The following FAM162A variants were observed in gnomAD, a reference collection of about 807,000 sequenced individuals.
The protein encoded by FAM162A is family with sequence similarity 162 member A, also known as protein FAM162A.
A neutral mutation model predicts 21.8 loss-of-function variants in FAM162A; 23 were observed. The observed-to-expected ratio is 1.05, with a 90% CI of 0.76 to 1.49. FAM162A has a LOEUF of 1.49. Ranked by LOEUF, FAM162A falls within the 40% of genes most tolerant of loss-of-function variation. FAM162A has a pLI of 0.00. For missense variants in FAM162A, 165 were observed against 186.4 expected (o/e 0.89, Z 0.67); for synonymous variants, 53 against 61.3 (o/e 0.86, Z 0.64).
intron 1 of FAM162A, among the ~76,000 whole-genome samples, chr3:122,393,730 C>T (rs942406006): frequency 2.0e-5 from 3 of 152,126 alleles, no homozygotes; most frequent in African/African-American, 7.2e-5. Flanking sequence ...ACAGCTGGGT[C>T]AAACAAGAAG....
chr3:122,404,215 T>C (rs1248550066), intron 2 of FAM162A, 43 bp from the exon 3 acceptor site: 1 of 936,638 alleles, frequency 1.1e-6, no homozygotes, highest in African/African-American at 1.7e-5. Flanking sequence ...TTGAGAGTTA[T>C]AATCTCAAAC....
chr3:122,409,894 TA>T lies in FAM162A; in HGVS notation c.*68del, dbSNP rs1452437067. The T allele has an allele frequency of 4.3e-6, 6 of 1,396,708 alleles. No homozygotes were observed. Among genetic ancestry groups the T allele is most frequent in the Non-Finnish European group, 6.1e-6 (6 of 984,082 alleles). 86.5% of individuals were successfully genotyped at this position (1,396,708 alleles called of 1,614,324 possible). ...GAATTATGTTATAACGTGCCTGTAT[TA>T]AAAAGGATGTGGTATGAGGATCCAT... On this transcript the variant is annotated 3_prime_UTR_variant, in exon 5 of 5. Transcript: ENST00000477892.
chr3:122,410,180 A>C lies in FAM162A; in HGVS notation c.*349A>C, dbSNP rs2075698256. On this transcript the variant is annotated 3_prime_UTR_variant, in exon 5 of 5. Coordinates refer to ENST00000477892, the MANE Select transcript of FAM162A (RefSeq NM_014367.4). ...GCGAACTCATTTTGAGGAGATAAGG[A>C]AGGCCAGTTGAGTATATGGCCCAGG... The C allele has an allele frequency of 2.9e-6, 1 of 341,538 alleles. No individual in the cohort carries two copies. The allele number at this position is 341,538 out of a possible 1,614,324, so 21.2% of individuals were successfully genotyped here.
intron 1 of FAM162A, among the ~76,000 whole-genome samples, chr3:122,397,937 C>G (rs1441623358): frequency 2.0e-5 from 3 of 152,086 alleles, no homozygotes; most frequent in African/African-American, 7.2e-5. Context: ...CCAACTCGGG[C>G]AGAAAACATT....
intron 1 of FAM162A, among the ~76,000 whole-genome samples, chr3:122,392,642 A>G (rs921470442): frequency 2.6e-5 from 4 of 152,234 alleles, no homozygotes; most frequent in African/African-American, 9.6e-5. Context: ...CTGGAGGTAG[A>G]CAGCCTCATG....
At chr3:122,405,083 T>C (rs1414839473) in intron 3 of FAM162A, among the ~76,000 whole-genome samples, 1 of 152,150 alleles carries the variant, frequency 6.6e-6, no homozygotes, top group East Asian at 1.9e-4. Flanking sequence ...GGTGGGAATC[T>C]CCCCTGGTTG....
intron 4 of FAM162A, among the ~76,000 whole-genome samples, chr3:122,408,937 G>T (rs2075690775): frequency 6.6e-6 from 1 of 151,998 alleles, no homozygotes; most frequent in Non-Finnish European, 1.5e-5. Flanking sequence ...GAGAACTTTT[G>T]AACTCAATGT....
At chr3:122,407,439 C>T (rs775458537) in intron 4 of FAM162A, 50 bp downstream of exon 4, 45 of 1,421,590 alleles carry the variant, frequency 3.2e-5, no homozygotes, top group Non-Finnish European at 4.3e-5. Context: ...CCACCAAGAA[C>T]CTAGAGTAAA....
intron 1 of FAM162A, among the ~76,000 whole-genome samples, chr3:122,399,575 T>C (rs2075643944): frequency 6.6e-6 from 1 of 152,198 alleles, no homozygotes; most frequent in Non-Finnish European, 1.5e-5. Flanking sequence ...TTGTGAATAG[T>C]GCTGCAGTGA....
At position 122,393,421 on chromosome 3, in the gene FAM162A, GTCT is replaced by G. The variant is rs2075612956; in HGVS notation, c.34+9127_34+9129del. On this transcript the variant is annotated intron_variant, in intron 1 of 4. Coordinates refer to ENST00000477892, the MANE Select transcript of FAM162A (RefSeq NM_014367.4). Reference sequence around the variant, plus strand: ...TGGAGTTTTAACTTGCTTTATTCCTGTCTTCTTTCAGCTTCACAATAGTCTTGA... The same window carrying G: ...TGGAGTTTTAACTTGCTTTATTCCTGTCTTTCAGCTTCACAATAGTCTTGA... Among the ~76,000 whole-genome samples the G allele has an allele frequency of 2.0e-5, 3 of 151,904 alleles. No individual in the cohort carries two copies. The East Asian group carries it at 5.8e-4, about 29-fold the overall frequency.
chr3:122,403,887 T>C (rs2075665225), intron 2 of FAM162A, among the ~76,000 whole-genome samples: 2 of 152,204 alleles, frequency 1.3e-5, no homozygotes, highest in South Asian at 4.1e-4. Context: ...TCTCCATCCA[T>C]TGTACAGATA....
chr3:122,408,406 A>G (rs2075686552), intron 4 of FAM162A, among the ~76,000 whole-genome samples: 1 of 152,234 alleles, frequency 6.6e-6, no homozygotes, highest in South Asian at 2.1e-4. Flanking sequence ...ATGTCTTACA[A>G]CTACTTTAAG....
chr3:122,403,465 C>T (rs781634281), intron 2 of FAM162A, among the ~76,000 whole-genome samples: 8 of 152,168 alleles, frequency 5.3e-5, no homozygotes, highest in Admixed American at 6.5e-5. Context: ...AGATATTATG[C>T]GTTAGGTAAA....
At position 122,404,284 on chromosome 3, in the gene FAM162A, A is replaced by G. The variant is rs767822587; in HGVS notation, c.184A>G (p.Lys62Glu). The G allele has an allele frequency of 6.2e-7, 1 of 1,605,962 alleles. No individual in the cohort carries two copies. Among genetic ancestry groups the G allele is most frequent in the Non-Finnish European group, 8.5e-7 (1 of 1,176,394 alleles). Residue 62 changes from lysine (K) to glutamate (E), a missense_variant, in exon 3 of 5, where the codon AAA (lysine) becomes GAA (glutamate). Physicochemically the swap from Lys to Glu is moderately conservative, Grantham distance 56 (BLOSUM62 1). Transcript: ENST00000477892. ...CACTTACAACAGAGTGCCTTTACAC[A>G]AACCTACGGATTGGCAGAAAAAGAT... Reference protein sequence around the residue: ...SRTYNRVPLHKPTDWQKKILI... With the variant: ...SRTYNRVPLHEPTDWQKKILI...
At chr3:122,385,831 T>C (rs2075572155) in intron 1 of FAM162A, among the ~76,000 whole-genome samples, 1 of 152,218 alleles carries the variant, frequency 6.6e-6, no homozygotes, top group African/African-American at 2.4e-5. Flanking sequence ...TGTGAGCAAC[T>C]CCGCAACAAC....
At chr3:122,408,789 T>C (rs1007928823) in intron 4 of FAM162A, among the ~76,000 whole-genome samples, 1 of 152,254 alleles carries the variant, frequency 6.6e-6, no homozygotes, top group African/African-American at 2.4e-5. Flanking sequence ...AGAAGCAAAT[T>C]ATTCACCTGG....
chr3:122,393,001 T>C (rs1559999508), intron 1 of FAM162A, among the ~76,000 whole-genome samples: 1 of 152,168 alleles, frequency 6.6e-6, no homozygotes. Flanking sequence ...CAAATCAACT[T>C]TGGTACAAGA....
chr3:122,398,475 T>G (rs1475567488), intron 1 of FAM162A, among the ~76,000 whole-genome samples: 1 of 152,170 alleles, frequency 6.6e-6, no homozygotes, highest in Non-Finnish European at 1.5e-5. Context: ...AAAGATCTAA[T>G]CTAAATCTTT....
At position 122,411,205 on chromosome 3, in the gene FAM162A, T is replaced by G. The variant is rs2075703610; in HGVS notation, c.*1374T>G. ...AATACATGCAGCTGTTTGGGCACTT[T>G]CTTCCCAAATAAAATACCCAGTAAA... is the stretch of plus-strand genomic sequence containing the variant. On this transcript the variant is annotated 3_prime_UTR_variant, in exon 5 of 5. Transcript: ENST00000477892. 6.6e-6 allele frequency: 1 copy of G among 152,214 alleles called. No homozygotes were observed. The highest frequency in any genetic ancestry group is 1.5e-5 in the Non-Finnish European group (1 of 68,038). The allele number at this position is 152,214 out of a possible 1,614,324, so 9.4% of individuals were successfully genotyped here.
Sources: allele counts gnomAD v4.1 joint callset (sites outside exome capture counted in the v4.1 genomes callset), GRCh38; gene constraint gnomAD v4.1.1; transcripts MANE v1.5; gene names NCBI Gene and HGNC (gene_info 2026-07-23, HGNC 2026-07-21).